The following RGS7 variants were observed in gnomAD, a reference collection of about 807,000 sequenced individuals.
RGS7 encodes regulator of G protein signaling 7, also known as regulator of G-protein signaling 7.
In RGS7, 27 loss-of-function variants were observed where a neutral mutation model predicts 81.1. The observed-to-expected ratio is 0.33, with a 90% CI of 0.25 to 0.46. The LOEUF (loss-of-function observed/expected upper bound fraction) is 0.46, where lower values mean the gene tolerates loss of function less well. RGS7 is among the 20% of genes least tolerant of loss of function. The pLI, the probability that RGS7 is intolerant of heterozygous loss-of-function variation, is 1.00. For synonymous variants in RGS7, 208 were observed against 207.7 expected (o/e 1.00, Z -0.01); for missense variants, 396 against 607.4 (o/e 0.65, Z 3.66).
intron 2 of RGS7, among the ~76,000 whole-genome samples, chr1:241,130,345 A>T (rs540264431): frequency 5.4e-4 from 68 of 124,840 alleles, no homozygotes; most frequent in South Asian, 4.4e-3. Context: ...AACATAAATT[A>T]AAAAAAAAAA....
intron 9 of RGS7, among the ~76,000 whole-genome samples, chr1:240,855,385 T>A (rs1011706411): frequency 1.0e-4 from 15 of 149,832 alleles, no homozygotes; most frequent in Non-Finnish European, 1.5e-4. Context: ...ATTTCTTATA[T>A]TTAGATAATT....
chr1:241,264,726 G>A (rs2077496833), intron 2 of RGS7, among the ~76,000 whole-genome samples: 1 of 152,138 alleles, frequency 6.6e-6, no homozygotes, highest in African/African-American at 2.4e-5. Context: ...GGTGTGGATT[G>A]ACTCTGCCCC....
intron 2 of RGS7, among the ~76,000 whole-genome samples, chr1:241,282,159 G>A (rs560165012): frequency 6.6e-6 from 1 of 152,084 alleles, no homozygotes; most frequent in African/African-American, 2.4e-5. Flanking sequence ...TCCTCCCCTA[G>A]GAGTCCCCAG....
At chr1:241,171,204 G>A (rs533272658) in intron 2 of RGS7, among the ~76,000 whole-genome samples, 19 of 152,162 alleles carry the variant, frequency 1.2e-4, no homozygotes, top group African/African-American at 4.3e-4. Flanking sequence ...ATAGGTGACC[G>A]TTTCAAAATT....
intron 2 of RGS7, among the ~76,000 whole-genome samples, chr1:241,222,170 T>A (rs982608795): frequency 6.6e-6 from 1 of 152,138 alleles, no homozygotes; most frequent in Admixed American, 6.6e-5. Flanking sequence ...GTGGTTGTGA[T>A]TGTTATAGCT....
chr1:240,905,273 C>T (rs1312795091), intron 6 of RGS7, among the ~76,000 whole-genome samples: 2 of 152,112 alleles, frequency 1.3e-5, no homozygotes, highest in African/African-American at 2.4e-5. Context: ...TTTTCTTACC[C>T]GTCTGCCTTG....
chr1:241,123,249 A>G (rs1011789222), intron 2 of RGS7, among the ~76,000 whole-genome samples: 18 of 152,116 alleles, frequency 1.2e-4, no homozygotes, highest in Non-Finnish European at 2.5e-4. Flanking sequence ...TTCATCACTC[A>G]TTCATTATTT....
At chr1:241,186,828 T>G (rs542255589) in intron 2 of RGS7, among the ~76,000 whole-genome samples, 2 of 152,156 alleles carry the variant, frequency 1.3e-5, no homozygotes, top group African/African-American at 4.8e-5. Context: ...CGCCCGGCCA[T>G]CTAACATAAT....
At chr1:241,092,184 C>T (rs2063930865) in intron 3 of RGS7, among the ~76,000 whole-genome samples, 1 of 152,126 alleles carries the variant, frequency 6.6e-6, no homozygotes, top group African/African-American at 2.4e-5. Context: ...AAGTGAAAAC[C>T]TATGTTGTCA....
intron 3 of RGS7, among the ~76,000 whole-genome samples, chr1:241,058,897 C>T (rs2061606872): frequency 6.6e-6 from 1 of 152,182 alleles, no homozygotes; most frequent in South Asian, 2.1e-4. Context: ...GCTGTGTCTG[C>T]ACAGATTCAC....
chr1:241,221,702 G>A (rs1021951842), intron 2 of RGS7, among the ~76,000 whole-genome samples: 1 of 152,124 alleles, frequency 6.6e-6, no homozygotes, highest in African/African-American at 2.4e-5. Context: ...TCAGTTAAAG[G>A]CCTGTATATA....
chr1:241,111,691 T>C (rs2065524854), intron 2 of RGS7, among the ~76,000 whole-genome samples: 2 of 152,250 alleles, frequency 1.3e-5, no homozygotes, highest in South Asian at 4.1e-4. Context: ...ACAGACTCGT[T>C]TCCAGATATT....
At chr1:240,956,388 C>CAAA (rs55931703) in intron 4 of RGS7, among the ~76,000 whole-genome samples, 7 of 147,718 alleles carry the variant, frequency 4.7e-5, no homozygotes, top group African/African-American at 1.7e-4. Flanking sequence ...AACAAAAAAA[C>CAAA]AAAAAAAAAA....
At chr1:240,811,774 C>A in intron 14 of RGS7, 144 bp downstream of exon 14, 1 of 788,292 alleles carries the variant, frequency 1.3e-6, no homozygotes. Context: ...TCTCTTTTCC[C>A]TTCATTAGGT....
intron 3 of RGS7, among the ~76,000 whole-genome samples, chr1:240,993,296 A>T (rs2148598972): frequency 6.6e-6 from 1 of 152,268 alleles, no homozygotes; most frequent in African/African-American, 2.4e-5. Context: ...AGAGAGAAAG[A>T]AAGAGCCAAA....
chr1:241,305,311 C>T (rs2148519358), intron 2 of RGS7, among the ~76,000 whole-genome samples: 1 of 152,308 alleles, frequency 6.6e-6, no homozygotes, highest in East Asian at 1.9e-4. Context: ...CATATTGAAT[C>T]TCCAGTTTCT....
chr1:241,199,300 A>G (rs1915873), intron 2 of RGS7, among the ~76,000 whole-genome samples: 31,518 of 152,036 alleles, frequency 0.21, 4,754 homozygotes, highest in African/African-American at 0.42. Context: ...ACTAAAAAAA[A>G]TACAAAAATT....
rs1405314874 is a variant in RGS7, at chr1:240,775,541, T to TA, written c.*678dup. ...AGATTCTGCATCTTTTAATGAAAGATAAAACAACAATATAAACATACACAA... is the reference window on the plus strand; with the variant it reads ...AGATTCTGCATCTTTTAATGAAAGATAAAAACAACAATATAAACATACACAA... On this transcript the variant is annotated 3_prime_UTR_variant, in exon 19 of 19. Transcript: ENST00000440928. The TA allele has an allele frequency of 2.6e-5, 4 of 152,452 alleles. No homozygotes were observed. Among genetic ancestry groups the TA allele is most frequent in the Non-Finnish European group, 4.4e-5 (3 of 68,112 alleles). The allele number at this position is 152,452 out of a possible 1,614,324, so 9.4% of individuals were successfully genotyped here. A position where few individuals can be genotyped will look rare whatever the true frequency, so the allele number is the denominator to read the frequency against.
chr1:241,008,528 C>T (rs535535229), intron 3 of RGS7, among the ~76,000 whole-genome samples: 3 of 152,264 alleles, frequency 2.0e-5, no homozygotes, highest in African/African-American at 7.2e-5. Flanking sequence ...TAAATCAACT[C>T]TGAGTGACTC....
Sources: gnomAD v4.1 joint callset for allele counts (sites outside exome capture counted in the v4.1 genomes callset) on GRCh38, gnomAD v4.1.1 for gene constraint, MANE v1.5 for transcripts, NCBI Gene and HGNC (gene_info 2026-07-23, HGNC 2026-07-21) for gene names.